GUCY2C: variants seen among roughly 807,000 people sequenced by gnomAD.
GUCY2C encodes guanylyl cyclase C.
A neutral mutation model predicts 131.1 loss-of-function variants in GUCY2C; 118 were observed. That is an observed-to-expected ratio of 0.90 (90% confidence interval 0.78 to 1.05). The LOEUF is 1.05. Among genes scored for constraint, GUCY2C ranks in the 50% least tolerant of loss-of-function variants. GUCY2C has a pLI of 0.00. For missense variants in GUCY2C, 1,161 were observed against 1,304.4 expected, an observed-to-expected ratio of 0.89 and a Z score of 1.69; for synonymous variants, 452 against 457.8, an observed-to-expected ratio of 0.99 and a Z score of 0.16.
rs75111029 is a variant in GUCY2C, at chr12:14,628,934, C to T, written c.2158-197G>A. On this transcript the variant is annotated intron_variant, in intron 19 of 26. Coordinates refer to ENST00000261170, the MANE Select transcript of GUCY2C (RefSeq NM_004963.4). ...ACCTGCATTATCTTATCCAGTTATT[C>T]CCTTGGGTGAAATTAATGAAATATG... Among the ~76,000 whole-genome samples the T allele has an allele frequency of 0.015, 2,267 of 152,264 alleles. 70 individuals are homozygous for T. The highest frequency in any genetic ancestry group is 0.052 in the African/African-American group (2,179 of 41,544).
chr12:14,669,914 CAAT>C (rs1948071356), intron 9 of GUCY2C, 81 bp from the exon 10 acceptor site: 2 of 597,312 alleles, frequency 3.3e-6, no homozygotes, highest in Non-Finnish European at 5.9e-6. Context: ...TGATTCTACA[CAAT>C]GACGCTTGAT....
chr12:14,664,777 T>G (rs1173067219), intron 10 of GUCY2C, among the ~76,000 whole-genome samples: 1 of 152,156 alleles, frequency 6.6e-6, no homozygotes, highest in African/African-American at 2.4e-5. Flanking sequence ...AGAAATAAAT[T>G]GACTGAAATT....
intron 10 of GUCY2C, among the ~76,000 whole-genome samples, chr12:14,662,435 G>C (rs144773364): frequency 3.1e-4 from 47 of 152,122 alleles, no homozygotes; most frequent in Admixed American, 7.2e-4. Context: ...CAGCACTTTG[G>C]GGGGGCTGAG....
intron 15 of GUCY2C, among the ~76,000 whole-genome samples, chr12:14,650,091 C>T (rs185206796): frequency 6.6e-6 from 1 of 151,982 alleles, no homozygotes; most frequent in Non-Finnish European, 1.5e-5. Context: ...GGCTTGTATG[C>T]TTTAATAATT....
intron 1 of GUCY2C, among the ~76,000 whole-genome samples, chr12:14,694,637 G>T (rs901825265): frequency 3.3e-5 from 5 of 152,140 alleles, no homozygotes; most frequent in Non-Finnish European, 7.4e-5. Context: ...TAACCTCCTT[G>T]TTCCATTATG....
chr12:14,651,437 CA>C lies in GUCY2C; in HGVS notation c.1679del (p.Val560GlyfsTer2). 6.3e-7 allele frequency: 1 copy of C among 1,597,840 alleles called. No homozygotes were observed. The highest frequency in any genetic ancestry group is 1.1e-5 in the South Asian group (1 of 90,696). On this transcript the variant is annotated frameshift_variant, in exon 15 of 27. Transcript: ENST00000261170. LOFTEE classifies it high-confidence loss of function. ...TVKLDTMIFG[V>X]IEYCERGSLR... Reference sequence around the variant, plus strand: ...GGGATCCTCTCTCACAGTATTCTATCACCCCGAAGATCATGGTATCAAGTTT... The same window carrying C: ...GGGATCCTCTCTCACAGTATTCTATCCCCCGAAGATCATGGTATCAAGTTT...
rs775457061 is a variant in GUCY2C, at chr12:14,625,913, A to T, written c.2252T>A (p.Leu751His). The T allele has an allele frequency of 1.9e-5, 30 of 1,599,488 alleles. No individual in the cohort carries two copies. In the South Asian group the frequency reaches 3.2e-4, roughly 17 times the overall value. Residue 751 changes from leucine to histidine, a missense_variant and splice_region_variant, in exon 21 of 27, where the codon CTT (leucine) becomes CAT (histidine). By Grantham distance (99) the Leu-to-His change is moderately conservative. Transcript: ENST00000261170. ...GCTTTCATTTTTTTGGTCATGAAAA[A>T]GTCTGTAGGTAGTAATAGATAAAGA... ...IETTLAKIFG[L>H]FHDQKNESYM...
chr12:14,690,486 G>A (rs1411672914), intron 1 of GUCY2C, among the ~76,000 whole-genome samples: 2 of 152,154 alleles, frequency 1.3e-5, no homozygotes, highest in Non-Finnish European at 2.9e-5. Context: ...GTTCCTTCCA[G>A]TAAAAAATAA....
intron 19 of GUCY2C, among the ~76,000 whole-genome samples, chr12:14,639,575 G>A (rs1947351993): frequency 6.6e-6 from 1 of 152,214 alleles, no homozygotes. Context: ...CTAATAGAAA[G>A]GTGACAGAGG....
Position 14,696,460 on chromosome 12 carries a change from C to CAAG in GUCY2C, c.-13_-12insCTT. ...AGCAACGTCTTCATGACCCCAATCA[C>CAAG]GTTAGAACCATACTCCTTGTGCCCA... is the stretch of plus-strand genomic sequence containing the variant. On this transcript the variant is annotated 5_prime_UTR_variant, in exon 1 of 27. Coordinates refer to ENST00000261170, the MANE Select transcript of GUCY2C (RefSeq NM_004963.4). 4 of 1,605,454 alleles carry CAAG rather than the reference C, an allele frequency of 2.5e-6. No individual in the cohort carries two copies. The highest frequency in any genetic ancestry group is 3.4e-6 in the Non-Finnish European group (4 of 1,173,042).
chr12:14,625,865 C>T lies in GUCY2C; in HGVS notation c.2300G>A (p.Arg767His), dbSNP rs1410102769. ...CAGGTTTCGAGAATATAGCTGTAGA[C>T]GTCGGATCAAGGTATCCATATAGCT... ...NESYMDTLIR[R>H]LQLYSRNLEH... The change falls in exon 21 of 27, where the codon CGT (arginine) becomes CAT (histidine). Residue 767 changes from arginine to histidine, a missense_variant. By Grantham distance (29) the Arg-to-His change is conservative (BLOSUM62 0). Transcript: ENST00000261170. 9.3e-6 allele frequency: 15 copies of T among 1,613,482 alleles called. No individual in the cohort carries two copies. The highest frequency in any genetic ancestry group is 1.3e-5 in the African/African-American group (1 of 74,844).
At chr12:14,689,859 G>C (rs1948544430) in intron 1 of GUCY2C, among the ~76,000 whole-genome samples, 1 of 152,146 alleles carries the variant, frequency 6.6e-6, no homozygotes, top group Non-Finnish European at 1.5e-5. Flanking sequence ...AATAGTCTAT[G>C]AGAAAAATAC....
chr12:14,688,047 C>G lies in GUCY2C; in HGVS notation c.234G>C (p.Val78=). Residue 78 remains valine (V), a synonymous_variant, in exon 2 of 27, where the codon GTG becomes GTC. Transcript: ENST00000261170. ...CATCCGAATACATGAAAGTAGCGTT[C>G]ACAGTCACATTTAGGCCTGTCGCCC... is the stretch of plus-strand genomic sequence containing the variant. The part of the protein sequence containing the change: ...RLQNAGLNVT[V]NATFMYSDGL... The G allele has an allele frequency of 6.2e-7, 1 of 1,612,102 alleles. No individual in the cohort carries two copies. Among genetic ancestry groups the G allele is most frequent in the Non-Finnish European group, 8.5e-7 (1 of 1,178,166 alleles).
At chr12:14,638,628 G>A (rs1947328016) in intron 19 of GUCY2C, among the ~76,000 whole-genome samples, 3 of 152,196 alleles carry the variant, frequency 2.0e-5, no homozygotes, top group Non-Finnish European at 4.4e-5. Context: ...AATATCACAT[G>A]TTCTCACTCA....
chr12:14,671,867 A>C (rs1029141369), intron 9 of GUCY2C, among the ~76,000 whole-genome samples: 1 of 152,244 alleles, frequency 6.6e-6, no homozygotes, highest in Non-Finnish European at 1.5e-5. Context: ...AATGTATGCG[A>C]AACATAACAT....
At chr12:14,660,941 C>T in intron 11 of GUCY2C, 40 bp downstream of exon 11, 3 of 1,338,036 alleles carry the variant, frequency 2.2e-6, no homozygotes, top group Non-Finnish European at 3.2e-6. Flanking sequence ...CTTCCTGCCT[C>T]TCTGGATACC....
intron 21 of GUCY2C, among the ~76,000 whole-genome samples, chr12:14,624,298 G>A (rs550247670): frequency 1.6e-4 from 24 of 152,118 alleles, no homozygotes; most frequent in African/African-American, 5.8e-4. Context: ...AAAATTAGCT[G>A]GGTGTGGTGG....
Position 14,613,259 on chromosome 12 carries a change from G to T in GUCY2C, c.3080C>A (p.Ser1027Ter). 1 of 1,613,388 alleles carries T rather than the reference G, an allele frequency of 6.2e-7. No individual in the cohort carries two copies. Residue 1027 changes from serine to a stop codon, truncating the protein, a stop_gained, in exon 27 of 27, where the codon TCA becomes TAA. Coordinates refer to ENST00000261170, the MANE Select transcript of GUCY2C (RefSeq NM_004963.4). LOFTEE classifies it high-confidence loss of function. This position sits in a 1 kb window ranked among gnomAD's most constrained non-coding sequence, Gnocchi z 4.9. The stretch of plus-strand genomic sequence containing the variant: ...CTGTAAAGAGTTGGCAATCATGTCT[G>T]AAAATTCTGCTTGCAAACGCTGTTG... ...ENQQRLQAEF[S>*]DMIANSLQKR...
chr12:14,634,316 G>A (rs1947215261), intron 19 of GUCY2C, among the ~76,000 whole-genome samples: 1 of 152,164 alleles, frequency 6.6e-6, no homozygotes, highest in African/African-American at 2.4e-5. Flanking sequence ...AAGAAATAAA[G>A]GCTGTCCCAG....
Sources: allele counts gnomAD v4.1 joint callset (sites outside exome capture counted in the v4.1 genomes callset), GRCh38; gene constraint gnomAD v4.1.1; non-coding constraint Gnocchi (gnomAD v3.1); transcripts MANE v1.5; gene names NCBI Gene and HGNC (gene_info 2026-07-23, HGNC 2026-07-21).